Variants in CDC14A observed in about 807,000 individuals in gnomAD.
CDC14A encodes the protein cell division cycle 14A.
In CDC14A, 53 loss-of-function variants were observed where a neutral mutation model predicts 74.4. That is an observed-to-expected ratio of 0.71 (90% CI 0.57 to 0.89). CDC14A has a LOEUF of 0.89. Ranked by LOEUF, CDC14A falls within the 40% of genes least tolerant of loss-of-function variation. CDC14A has a pLI of 0.00. For synonymous variants in CDC14A, 247 were observed against 258.4 expected, an observed-to-expected ratio of 0.96 and a Z score of 0.43; for missense variants, 646 against 713.7, an observed-to-expected ratio of 0.91 and a Z score of 1.08.
At chr1:100,368,774 A>G (rs2100919329) in intron 2 of CDC14A, among the ~76,000 whole-genome samples, 1 of 152,186 alleles carries the variant, frequency 6.6e-6, no homozygotes, top group South Asian at 2.1e-4. Context: ...CTTCATGTCT[A>G]TTGTTGCCAT....
intron 9 of CDC14A, among the ~76,000 whole-genome samples, chr1:100,466,834 C>T (rs551224961): frequency 2.2e-4 from 30 of 133,442 alleles, no homozygotes; most frequent in Non-Finnish European, 3.7e-4. Flanking sequence ...CGCACTATTG[C>T]ATTCCAGCCT....
chr1:100,386,677 T>C (rs535015218), intron 3 of CDC14A, among the ~76,000 whole-genome samples: 1 of 152,274 alleles, frequency 6.6e-6, no homozygotes, highest in South Asian at 2.1e-4. Context: ...CTTCCTGTGG[T>C]CCCAGCTACA....
chr1:100,405,206 C>T (rs1390869333), intron 4 of CDC14A, among the ~76,000 whole-genome samples: 1 of 152,166 alleles, frequency 6.6e-6, no homozygotes, highest in African/African-American at 2.4e-5. Flanking sequence ...TCTTCACTGT[C>T]ATTTTCTTAC....
At chr1:100,459,126 C>CACACACACACACACACACAG (rs1279905046) in intron 8 of CDC14A, among the ~76,000 whole-genome samples, 10 of 144,572 alleles carry the variant, frequency 6.9e-5, no homozygotes, top group African/African-American at 2.3e-4. Flanking sequence ...CACACACACA[C>CACACACACACACACACACAG]AGAGAGAGAG....
chr1:100,405,279 A>G (rs1659795884), intron 4 of CDC14A, among the ~76,000 whole-genome samples: 1 of 152,214 alleles, frequency 6.6e-6, no homozygotes, highest in African/African-American at 2.4e-5. Context: ...TTAATTGCAC[A>G]TAATATGATC....
chr1:100,467,103 C>CA (rs28364891), intron 9 of CDC14A, among the ~76,000 whole-genome samples: 9,794 of 151,954 alleles, frequency 0.064, 863 homozygotes, highest in African/African-American at 0.2. Flanking sequence ...GGTTGAGGAA[C>CA]ACTGATTTAA....
At chr1:100,391,070 T>C (rs1452096398) in intron 4 of CDC14A, 1 of 485,280 alleles carries the variant, frequency 2.1e-6, no homozygotes, top group East Asian at 4.0e-5. Context: ...TCCACAGTTA[T>C]ATAGGTATTT....
At chr1:100,414,892 G>T (rs1291531168) in intron 4 of CDC14A, among the ~76,000 whole-genome samples, 1 of 152,098 alleles carries the variant, frequency 6.6e-6, no homozygotes, top group Admixed American at 6.6e-5. Context: ...AGGTTTCTGT[G>T]TGTTAAGAAC....
chr1:100,463,040 T>C, intron 9 of CDC14A, 159 bp downstream of exon 9: 1 of 609,634 alleles, frequency 1.6e-6, no homozygotes, highest in African/African-American at 1.8e-5. Flanking sequence ...TAACCCCTTC[T>C]TAAAGAAACG....
intron 7 of CDC14A, among the ~76,000 whole-genome samples, chr1:100,452,721 A>G (rs182667144): frequency 1.3e-5 from 2 of 152,216 alleles, no homozygotes; most frequent in African/African-American, 4.8e-5. Context: ...GAACATCTAT[A>G]GTTTTTTTTG....
chr1:100,428,154 G>A (rs1033782004), intron 5 of CDC14A, among the ~76,000 whole-genome samples: 1 of 152,130 alleles, frequency 6.6e-6, no homozygotes, highest in Admixed American at 6.5e-5. Context: ...AACAAAAAAC[G>A]AGAATTGTGT....
chr1:100,352,509 A>T lies in CDC14A; in HGVS notation c.-446A>T, dbSNP rs1651198002. On this transcript the variant is annotated 5_prime_UTR_variant, in exon 1 of 16. Transcript: ENST00000336454. ...GAGGTGGCGAAGGAGGATCCGGAGCAGCTGCTGCCAGCCCGCGGGCACTGA... is the reference window on the plus strand; with the variant it reads ...GAGGTGGCGAAGGAGGATCCGGAGCTGCTGCTGCCAGCCCGCGGGCACTGA... The T allele has an allele frequency of 1.9e-6, 2 of 1,031,814 alleles. No individual in the cohort carries two copies. The highest frequency in any genetic ancestry group is 2.3e-6 in the Non-Finnish European group (2 of 860,264). 63.9% of individuals were successfully genotyped at this position (1,031,814 alleles called of 1,614,324 possible).
intron 8 of CDC14A, among the ~76,000 whole-genome samples, chr1:100,460,182 A>G (rs1325508126): frequency 1.3e-5 from 2 of 152,214 alleles, no homozygotes; most frequent in African/African-American, 4.8e-5. Context: ...AGTGCTTGAT[A>G]AACGTTAGGT....
At chr1:100,501,459 C>T (rs1648721259) in intron 15 of CDC14A, among the ~76,000 whole-genome samples, 1 of 152,140 alleles carries the variant, frequency 6.6e-6, no homozygotes, top group African/African-American at 2.4e-5. Context: ...GACGTCGTAG[C>T]CCTCGTAGGG....
intron 4 of CDC14A, among the ~76,000 whole-genome samples, chr1:100,420,706 T>TAGTA (rs1159605057): frequency 6.6e-6 from 1 of 152,178 alleles, no homozygotes; most frequent in Non-Finnish European, 1.5e-5. Context: ...GAATGAATGG[T>TAGTA]AGTACATGGT....
At chr1:100,346,749 A>G (rs1175010066) in intron 1 of CDC14A, among the ~76,000 whole-genome samples, 1 of 152,208 alleles carries the variant, frequency 6.6e-6, no homozygotes, top group Non-Finnish European at 1.5e-5. Flanking sequence ...CTGGACAATA[A>G]ATTGACTACT....
intron 2 of CDC14A, among the ~76,000 whole-genome samples, chr1:100,375,579 A>G (rs1395092852): frequency 1.3e-5 from 2 of 152,236 alleles, no homozygotes; most frequent in African/African-American, 4.8e-5. Context: ...AGAGAAATGC[A>G]AATCAAAACC....
At chr1:100,394,807 A>T (rs570981773) in intron 4 of CDC14A, among the ~76,000 whole-genome samples, 1 of 152,366 alleles carries the variant, frequency 6.6e-6, no homozygotes, top group Admixed American at 6.5e-5. Context: ...TTGGCAGTGG[A>T]TCCTTAAAGA....
At chr1:100,470,002 G>A (rs966973112) in intron 10 of CDC14A, among the ~76,000 whole-genome samples, 3 of 152,158 alleles carry the variant, frequency 2.0e-5, no homozygotes, top group Admixed American at 6.5e-5. Context: ...AATATAAAAT[G>A]AGTAAATGAT....
Sources: allele counts gnomAD v4.1 joint callset (sites outside exome capture counted in the v4.1 genomes callset), GRCh38; gene constraint gnomAD v4.1.1; transcripts MANE v1.5; gene names NCBI Gene and HGNC (gene_info 2026-07-23, HGNC 2026-07-21).